TIAM2: variants seen among roughly 807,000 people sequenced by gnomAD.
TIAM2 encodes the protein rho guanine nucleotide exchange factor TIAM2.
A neutral mutation model predicts 152.9 loss-of-function variants in TIAM2; 80 were observed. That is an observed-to-expected ratio of 0.52 (90% confidence interval 0.44 to 0.63). The LOEUF (loss-of-function observed/expected upper bound fraction) is 0.63. Ranked by LOEUF, TIAM2 falls within the 30% of genes least tolerant of loss-of-function variation. The pLI, the probability that TIAM2 is intolerant of heterozygous loss-of-function variation, is 0.00. For missense variants in TIAM2, 1,965 were observed against 2,120.1 expected (o/e 0.93, Z 1.44); for synonymous variants, 804 against 838.0 (o/e 0.96, Z 0.70).
chr6:155,194,371 G>A (rs1781283866), intron 14 of TIAM2, among the ~76,000 whole-genome samples: 1 of 152,204 alleles, frequency 6.6e-6, no homozygotes, highest in South Asian at 2.1e-4. Flanking sequence ...GATGATCAGG[G>A]TATGGTGGGT....
rs759445639 is a variant in TIAM2, at chr6:155,256,541, A to G, written c.4526A>G (p.Glu1509Gly). 1.2e-6 allele frequency: 2 copies of G among 1,614,204 alleles called. No homozygotes were observed. The highest frequency in any genetic ancestry group is 1.7e-6 in the Non-Finnish European group (2 of 1,180,030). The change falls in exon 27 of 27, where the codon GAG becomes GGG. Residue 1509 changes from glutamate to glycine, a missense_variant. Glu to Gly is a moderately conservative substitution (Grantham distance 98). Coordinates refer to ENST00000682666, the MANE Select transcript of TIAM2 (RefSeq NM_012454.4). ...KNSSSNEWTG[E>G]TGKGTLLDSD... ...TCCTCCAGCAACGAGTGGACCGGTG[A>G]GACTGGCAAGGGAACCTTGCTGGAC...
chr6:155,225,627 T>A (rs190119292), intron 15 of TIAM2, among the ~76,000 whole-genome samples: 1 of 152,226 alleles, frequency 6.6e-6, no homozygotes, highest in Non-Finnish European at 1.5e-5. Flanking sequence ...TTGGTTCCCA[T>A]GTATTTATTG....
At chr6:155,083,033 T>C (rs934117923) in intron 1 of TIAM2, among the ~76,000 whole-genome samples, 1 of 152,136 alleles carries the variant, frequency 6.6e-6, no homozygotes, top group African/African-American at 2.4e-5. Flanking sequence ...TTCTGAGTAT[T>C]GATTGACAGG....
chr6:155,128,448 G>A (rs1346853586), intron 3 of TIAM2, among the ~76,000 whole-genome samples: 2 of 152,094 alleles, frequency 1.3e-5, no homozygotes, highest in Non-Finnish European at 2.9e-5. Context: ...AAATACTGTG[G>A]AGAGATTTTA....
chr6:155,053,182 T>C (rs1777358368), intron 1 of TIAM2, among the ~76,000 whole-genome samples: 1 of 152,182 alleles, frequency 6.6e-6, no homozygotes. Context: ...ATAGTAAGAA[T>C]ACAAGTGTTT....
chr6:155,182,458 A>G, intron 13 of TIAM2, 140 bp downstream of exon 13: 1 of 737,308 alleles, frequency 1.4e-6, no homozygotes, highest in Middle Eastern at 3.9e-4. Context: ...GTAAGAGTTT[A>G]ATTGGAAATG....
chr6:155,239,447 G>A (rs901673742), intron 15 of TIAM2, among the ~76,000 whole-genome samples: 4 of 152,190 alleles, frequency 2.6e-5, no homozygotes, highest in South Asian at 4.1e-4. Context: ...GAAGTGGGGT[G>A]GAGATGTGAG....
At chr6:155,243,504 T>C (rs1365721250) in intron 16 of TIAM2, among the ~76,000 whole-genome samples, 1 of 152,178 alleles carries the variant, frequency 6.6e-6, no homozygotes, top group African/African-American at 2.4e-5. Flanking sequence ...TATTGTGATA[T>C]TAAACTCTTT....
At chr6:155,052,142 G>A (rs192456002) in intron 1 of TIAM2, among the ~76,000 whole-genome samples, 370 of 152,194 alleles carry the variant, frequency 2.4e-3, no homozygotes, top group African/African-American at 8.5e-3. Flanking sequence ...GGAAGAAGAG[G>A]TAGGTGGGAA....
chr6:155,118,416 TCTTTTTC>T (rs1779064875), intron 2 of TIAM2, among the ~76,000 whole-genome samples: 1 of 72,942 alleles, frequency 1.4e-5, no homozygotes. Flanking sequence ...TTTTCTTTTT[TCTTTTTC>T]TTTTTCTTTT....
chr6:155,226,876 G>C (rs377281797), intron 15 of TIAM2, among the ~76,000 whole-genome samples: 6 of 152,304 alleles, frequency 3.9e-5, no homozygotes, highest in Admixed American at 1.3e-4. Context: ...GAATAATCCA[G>C]GGCAAGTCAA....
chr6:155,137,543 G>A lies in TIAM2; in HGVS notation c.1561G>A (p.Val521Met). 1.9e-6 allele frequency: 3 copies of A among 1,613,502 alleles called. No individual in the cohort carries two copies. The highest frequency in any genetic ancestry group is 2.5e-6 in the Non-Finnish European group (3 of 1,179,996). The stretch of plus-strand genomic sequence containing the variant: ...GCTCTTCTTCAAGCCCCTGGTCACT[G>A]TGCAGAAGGAAAGGAAGCTTGAGCT... The part of the protein sequence containing the change: ...GWLFFKPLVT[V>M]QKERKLELVA... Residue 521 changes from valine to methionine, a missense_variant, in exon 5 of 27, where the codon GTG becomes ATG. This residue lies in a region of TIAM2 where 1,025 missense variants were observed against 1,119.4 expected (regional missense o/e 0.92). Transcript: ENST00000682666.
intron 2 of TIAM2, among the ~76,000 whole-genome samples, chr6:155,114,036 A>ATTTTTTTTTTTTTTTTT (rs869241399): frequency 2.3e-4 from 8 of 34,906 alleles, no homozygotes; most frequent in African/African-American, 3.4e-4. Flanking sequence ...ATATATATAT[A>ATTTTTTTTTTTTTTTTT]TTTTTTTTTT....
chr6:155,154,620 G>C (rs966747899), intron 7 of TIAM2, among the ~76,000 whole-genome samples: 2 of 152,162 alleles, frequency 1.3e-5, no homozygotes, highest in African/African-American at 4.8e-5. Context: ...AAGTAAACAA[G>C]GACAAAACCT....
chr6:155,255,261 T>C (rs1783925914), intron 26 of TIAM2: 4 of 152,218 alleles, frequency 2.6e-5, no homozygotes, highest in Admixed American at 2.6e-4. Flanking sequence ...TTGATTGGGA[T>C]GTAATGCCAT....
chr6:155,038,872 C>T (rs1162850824), intron 1 of TIAM2, among the ~76,000 whole-genome samples: 1 of 149,386 alleles, frequency 6.7e-6, no homozygotes, highest in African/African-American at 2.5e-5. Flanking sequence ...TTTGAGGCTG[C>T]AGTGAGCTGT....
chr6:155,201,552 G>C (rs997855441), intron 14 of TIAM2, among the ~76,000 whole-genome samples: 1 of 152,140 alleles, frequency 6.6e-6, no homozygotes, highest in Non-Finnish European at 1.5e-5. Context: ...CCCATGGGAG[G>C]CTCTGCACCT....
intron 1 of TIAM2, among the ~76,000 whole-genome samples, chr6:155,004,492 G>A (rs558743512): frequency 3.3e-5 from 5 of 152,062 alleles, no homozygotes; most frequent in Non-Finnish European, 5.9e-5. Flanking sequence ...CTGGGTTCAC[G>A]CGATTCTCCT....
rs147897292 is a variant in TIAM2 at position 155,181,887 on chromosome 6, T to C, written c.2708-339T>C. Among the ~76,000 whole-genome samples, 34 of 152,372 alleles carry C rather than the reference T, an allele frequency of 2.2e-4. No homozygotes were observed. In the East Asian group the frequency reaches 6.6e-3, roughly 29 times the overall value. ...TTTTTAAGACTGAATGATACTCCAC[T>C]GTATGCATAGATCACATTTTGCTTA... On this transcript the variant is annotated intron_variant, in intron 12 of 26. Coordinates refer to ENST00000682666, the MANE Select transcript of TIAM2 (RefSeq NM_012454.4).
Sources: allele counts gnomAD v4.1 joint callset (sites outside exome capture counted in the v4.1 genomes callset), GRCh38; gene constraint gnomAD v4.1.1; regional missense constraint gnomAD v4.1.1; transcripts MANE v1.5; gene names NCBI Gene and HGNC (gene_info 2026-07-23, HGNC 2026-07-21).